The following NHSL2 variants were observed in gnomAD, a reference collection of about 807,000 sequenced individuals.
NHSL2 encodes NHS-like protein 2.
In NHSL2, 27 loss-of-function variants were observed where a neutral mutation model predicts 53.4. The observed-to-expected ratio is 0.51, with a 90% CI of 0.37 to 0.70. The LOEUF (loss-of-function observed/expected upper bound fraction) is 0.70, where lower values mean the gene tolerates loss of function less well. Among genes scored for constraint, NHSL2 ranks in the 30% least tolerant of loss-of-function variants. The pLI is 0.00. For synonymous variants in NHSL2, 408 were observed against 404.1 expected, an observed-to-expected ratio of 1.01 and a Z score of -0.12; for missense variants, 892 against 980.1, an observed-to-expected ratio of 0.91 and a Z score of 1.20.
chrX:72,148,631 TA>T lies in NHSL2; in HGVS notation c.*5058del, dbSNP rs1297625757. The T allele has an allele frequency of 8.9e-6, 1 of 111,938 alleles. No individual in the cohort carries two copies. Among genetic ancestry groups the T allele is most frequent in the African/African-American group, 3.3e-5 (1 of 30,758 alleles). The allele number at this position is 111,938 out of a possible 1,213,427, so 9.2% of individuals were successfully genotyped here. A position where few individuals can be genotyped will look rare whatever the true frequency, so the allele number is the denominator to read the frequency against. On this transcript the variant is annotated 3_prime_UTR_variant, in exon 8 of 8. Coordinates refer to ENST00000633930, the MANE Select transcript of NHSL2 (RefSeq NM_001013627.3). ...ACTTTGAAACAGATTTATAGAGGAA[TA>T]CATAGTAAATAGTTATAGACACACA...
At chrX:72,096,767 A>G (rs2041946998) in intron 1 of NHSL2, among the ~76,000 whole-genome samples, 1 of 111,490 alleles carries the variant, frequency 9.0e-6, no homozygotes, top group Non-Finnish European at 1.9e-5. Context: ...ATTTGAAACT[A>G]TATATTATCA....
intron 1 of NHSL2, among the ~76,000 whole-genome samples, chrX:71,942,964 CTCTCTCTCTGTG>C: frequency 3.3e-5 from 1 of 30,042 alleles, no homozygotes; most frequent in African/African-American, 1.1e-4. Flanking sequence ...CTCTCTCTCT[CTCTCTCTCTGTG>C]TGTGTGTGTG....
intron 1 of NHSL2, among the ~76,000 whole-genome samples, chrX:71,988,886 T>C (rs1044756672): frequency 2.7e-5 from 3 of 112,181 alleles, no homozygotes. Flanking sequence ...CAGAGCAGTC[T>C]GTTTACCAAT....
At chrX:72,127,349 AC>A (rs1311078875) in intron 1 of NHSL2, 7 of 95,804 alleles carry the variant, frequency 7.3e-5, no homozygotes, top group African/African-American at 2.4e-4. Flanking sequence ...TATGGCTGTT[AC>A]ATCACAACAA....
chrX:72,044,014 T>C (rs1046007567), intron 1 of NHSL2, among the ~76,000 whole-genome samples: 6 of 112,176 alleles, frequency 5.3e-5, no homozygotes, highest in Non-Finnish European at 1.1e-4. Flanking sequence ...GCTTGGTCCC[T>C]GTCCTGAAAG....
chrX:71,967,996 C>CT (rs371562625), intron 1 of NHSL2, among the ~76,000 whole-genome samples: 2,287 of 97,531 alleles, frequency 0.023, 23 homozygotes, highest in Middle Eastern at 0.037. Context: ...GGAAGTCAAT[C>CT]TTTTTTTTTT....
At chrX:72,086,683 C>CAAAAAA (rs34481140) in intron 1 of NHSL2, among the ~76,000 whole-genome samples, 18 of 22,456 alleles carry the variant, frequency 8.0e-4, no homozygotes, top group African/African-American at 1.0e-3. Context: ...AACTCCATCT[C>CAAAAAA]AAAAAAAAAA....
rs2042408414 is a variant in NHSL2, at chrX:72,140,515, C to T, written c.2967C>T (p.Ser989=). ...RVLPERISLQ[S]QEEAEKKKGK... The stretch of plus-strand genomic sequence containing the variant: ...TGCCTGAAAGAATTAGCCTCCAGAG[C>T]CAGGAAGAAGCTGAGAAAAAGAAAG... The change falls in exon 6 of 8, where the codon AGC becomes AGT. Residue 989 remains serine (S), a synonymous_variant. Coordinates refer to ENST00000633930, the MANE Select transcript of NHSL2 (RefSeq NM_001013627.3). The T allele has an allele frequency of 1.7e-6, 2 of 1,209,340 alleles. No homozygotes were observed. Among genetic ancestry groups the T allele is most frequent in the Non-Finnish European group, 2.2e-6 (2 of 894,834 alleles).
At chrX:72,133,438 C>T (rs1045066516) in intron 2 of NHSL2, among the ~76,000 whole-genome samples, 4 of 112,085 alleles carry the variant, frequency 3.6e-5, no homozygotes, top group Admixed American at 2.8e-4. Flanking sequence ...CATGTATTCT[C>T]ATCAAATTCA....
At chrX:72,095,926 T>A (rs2041940054) in intron 1 of NHSL2, among the ~76,000 whole-genome samples, 1 of 111,418 alleles carries the variant, frequency 9.0e-6, no homozygotes, top group African/African-American at 3.3e-5. Context: ...AATCCATTCC[T>A]TCATTCAACA....
chrX:72,145,810 G>T lies in NHSL2; in HGVS notation c.*2236G>T, dbSNP rs190337870. On this transcript the variant is annotated 3_prime_UTR_variant, in exon 8 of 8. Transcript: ENST00000633930. ...TTGTTTACTACTTCTAATGGGTTTTGCCTCTCCCCTCACCTTGCTACCTCT... is the reference window on the plus strand; with the variant it reads ...TTGTTTACTACTTCTAATGGGTTTTTCCTCTCCCCTCACCTTGCTACCTCT... 407 of 112,132 alleles carry T rather than the reference G, an allele frequency of 3.6e-3. No individual in the cohort carries two copies. The highest frequency in any genetic ancestry group is 6.0e-3 in the Non-Finnish European group (319 of 53,197). 9.2% of individuals were successfully genotyped at this position (112,132 alleles called of 1,213,427 possible).
intron 1 of NHSL2, among the ~76,000 whole-genome samples, chrX:72,085,959 G>A (rs2041839684): frequency 9.0e-6 from 1 of 110,613 alleles, no homozygotes; most frequent in African/African-American, 3.3e-5. Flanking sequence ...CCTGTCAGAT[G>A]CCAATGAAGA....
At chrX:71,980,141 A>C (rs779514824) in intron 1 of NHSL2, among the ~76,000 whole-genome samples, 12 of 111,884 alleles carry the variant, frequency 1.1e-4, no homozygotes, top group Admixed American at 8.5e-4. Flanking sequence ...TGGTACCAGT[A>C]CCATGCTGTT....
intron 1 of NHSL2, among the ~76,000 whole-genome samples, chrX:71,998,393 T>C (rs762578121): frequency 9.3e-4 from 104 of 111,889 alleles, no homozygotes; most frequent in African/African-American, 3.2e-3. Context: ...TTGGGGTTGC[T>C]TTAGTTTATG....
At chrX:72,103,430 A>G (rs2042012315) in intron 1 of NHSL2, among the ~76,000 whole-genome samples, 2 of 112,183 alleles carry the variant, frequency 1.8e-5, no homozygotes. Context: ...AGTGTTTCTC[A>G]CCGAGGGCAT....
chrX:72,120,750 G>T (rs995354530), intron 1 of NHSL2, among the ~76,000 whole-genome samples: 1 of 112,502 alleles, frequency 8.9e-6, no homozygotes, highest in East Asian at 2.8e-4. Flanking sequence ...GGAGCTCTCA[G>T]CCTGAACCTC....
intron 1 of NHSL2, among the ~76,000 whole-genome samples, chrX:71,976,051 C>T (rs1053858642): frequency 1.8e-5 from 2 of 111,752 alleles, no homozygotes; most frequent in East Asian, 2.8e-4. Context: ...AGGACATATC[C>T]TCCATTTCAC....
In NHSL2 at chrX:72,145,838, A is replaced by AG. The variant is rs775828335; in HGVS notation, c.*2266dup. On this transcript the variant is annotated 3_prime_UTR_variant, in exon 8 of 8. Coordinates refer to ENST00000633930, the MANE Select transcript of NHSL2 (RefSeq NM_001013627.3). ...TCTCCCCTCACCTTGCTACCTCTGG[A>AG]GGTTTTCCCAAAAGATTCTGAACCT... 8.9e-6 allele frequency: 1 copy of AG among 111,985 alleles called. No individual in the cohort carries two copies. The highest frequency in any genetic ancestry group is 3.2e-5 in the African/African-American group (1 of 30,791). 9.2% of individuals were successfully genotyped at this position (111,985 alleles called of 1,213,427 possible). A position where few individuals can be genotyped will look rare whatever the true frequency, so the allele number is the denominator to read the frequency against.
intron 1 of NHSL2, among the ~76,000 whole-genome samples, chrX:71,952,942 C>A (rs751326957): frequency 8.9e-6 from 1 of 111,823 alleles, no homozygotes; most frequent in Non-Finnish European, 1.9e-5. Flanking sequence ...GCAAAAATTA[C>A]AATGAACAGC....
Sources: gnomAD v4.1 joint callset for allele counts (sites outside exome capture counted in the v4.1 genomes callset) on GRCh38, gnomAD v4.1.1 for gene constraint, MANE v1.5 for transcripts, NCBI Gene and HGNC (gene_info 2026-07-23, HGNC 2026-07-21) for gene names.